Variants in MRPL48 observed in about 807,000 individuals in gnomAD.
The protein encoded by MRPL48 is large ribosomal subunit protein mL48.
In MRPL48, 16 loss-of-function variants were observed where a neutral mutation model predicts 32.9. The ratio of observed to expected loss-of-function variants is 0.49; its 90% CI spans 0.33 to 0.74. MRPL48 has a LOEUF of 0.74. Ranked by LOEUF, MRPL48 falls within the 30% of genes least tolerant of loss-of-function variation. The pLI, the probability that MRPL48 is intolerant of heterozygous loss-of-function variation, is 0.02. For missense variants in MRPL48, 206 were observed against 245.3 expected, an observed-to-expected ratio of 0.84 and a Z score of 1.07; for synonymous variants, 94 against 89.2, an observed-to-expected ratio of 1.05 and a Z score of -0.31.
intron 3 of MRPL48, among the ~76,000 whole-genome samples, chr11:73,812,532 G>A (rs1947583420): frequency 6.6e-6 from 1 of 151,684 alleles, no homozygotes; most frequent in African/African-American, 2.4e-5. Context: ...CCCAAACTGG[G>A]TTTTATAAAA....
At chr11:73,793,526 T>C (rs1331404692) in intron 1 of MRPL48, among the ~76,000 whole-genome samples, 2 of 152,220 alleles carry the variant, frequency 1.3e-5, no homozygotes, top group Non-Finnish European at 2.9e-5. Context: ...GTTGCATGAC[T>C]ACTAAGATTT....
At chr11:73,802,797 C>A (rs1047728505) in intron 1 of MRPL48, among the ~76,000 whole-genome samples, 1 of 151,802 alleles carries the variant, frequency 6.6e-6, no homozygotes, top group Non-Finnish European at 1.5e-5. Context: ...CCCTCTGGGT[C>A]CAAGTGATCC....
chr11:73,814,290 G>A (rs539568337), intron 3 of MRPL48, among the ~76,000 whole-genome samples: 34 of 151,888 alleles, frequency 2.2e-4, no homozygotes, highest in Middle Eastern at 3.4e-3. Flanking sequence ...CTCAGAAGAC[G>A]AAGACTGAGG....
intron 4 of MRPL48, among the ~76,000 whole-genome samples, chr11:73,834,702 T>G (rs1287179375): frequency 2.0e-5 from 3 of 151,504 alleles, no homozygotes; most frequent in Non-Finnish European, 4.4e-5. Flanking sequence ...CCCAGCTAAT[T>G]TTTTGTATTT....
intron 3 of MRPL48, among the ~76,000 whole-genome samples, chr11:73,814,040 C>CAA (rs551377481): frequency 3.3e-4 from 21 of 62,950 alleles, no homozygotes; most frequent in Non-Finnish European, 4.5e-4. Flanking sequence ...GACTCTGTCT[C>CAA]AAAAAAAAAA....
chr11:73,845,654 C>T (rs1429995955), intron 5 of MRPL48, among the ~76,000 whole-genome samples: 2 of 152,162 alleles, frequency 1.3e-5, no homozygotes, highest in Admixed American at 6.6e-5. Context: ...CCTGTAGTCC[C>T]ACCTACTCGG....
chr11:73,822,837 C>T (rs1565415121), intron 3 of MRPL48, among the ~76,000 whole-genome samples: 3 of 152,144 alleles, frequency 2.0e-5, no homozygotes, highest in South Asian at 4.1e-4. Context: ...CCAGCCACTC[C>T]CCATCACTCA....
At chr11:73,816,710 C>T (rs905919437) in intron 3 of MRPL48, among the ~76,000 whole-genome samples, 23 of 152,206 alleles carry the variant, frequency 1.5e-4, no homozygotes, top group African/African-American at 4.6e-4. Flanking sequence ...GTGATCCGCC[C>T]GCCTTGGCCT....
At chr11:73,841,901 C>T (rs1238260171) in intron 4 of MRPL48, among the ~76,000 whole-genome samples, 1 of 152,082 alleles carries the variant, frequency 6.6e-6, no homozygotes, top group Non-Finnish European at 1.5e-5. Flanking sequence ...ACCCCAGCCA[C>T]CTAGTTCCCT....
chr11:73,825,763 T>C lies in MRPL48; in HGVS notation c.168T>C (p.Ile56=), dbSNP rs1373296411. The C allele has an allele frequency of 6.4e-7, 1 of 1,569,366 alleles. No homozygotes were observed. The highest frequency in any genetic ancestry group is 1.9e-5 in the Admixed American group (1 of 52,892). The change falls in exon 4 of 8, where the codon ATT becomes ATC. Residue 56 remains isoleucine (I), a synonymous_variant. Coordinates refer to ENST00000310614, the MANE Select transcript of MRPL48 (RefSeq NM_016055.6). ...RPYKTKPTHG[I]GKYKHLIKAE... ...ACAAGACAAAGCCCACCCACGGCAT[T>C]GGAAAGTACAAGCACTTAATTAAAG...
At chr11:73,792,409 C>A (rs1947168606) in intron 1 of MRPL48, among the ~76,000 whole-genome samples, 1 of 152,178 alleles carries the variant, frequency 6.6e-6, no homozygotes. Context: ...AGGGGAGACT[C>A]TGTGATCACT....
intron 3 of MRPL48, among the ~76,000 whole-genome samples, chr11:73,814,934 G>A (rs1024506247): frequency 1.1e-4 from 16 of 152,062 alleles, no homozygotes; most frequent in African/African-American, 2.9e-4. Context: ...GGAGGTTGCA[G>A]TGAGCCGAGA....
At chr11:73,826,774 CTTT>C (rs71065041) in intron 4 of MRPL48, among the ~76,000 whole-genome samples, 3 of 108,934 alleles carry the variant, frequency 2.8e-5, no homozygotes, top group African/African-American at 6.9e-5. Context: ...ACTGTATTTT[CTTT>C]TTTTTTTTTT....
At chr11:73,859,837 G>A in intron 5 of MRPL48, 70 bp from the exon 6 acceptor site, 1 of 1,313,560 alleles carries the variant, frequency 7.6e-7, no homozygotes, top group Non-Finnish European at 1.1e-6. Flanking sequence ...CTATACTCAT[G>A]GACTACTATG....
intron 3 of MRPL48, among the ~76,000 whole-genome samples, chr11:73,811,783 TATTAAA>T (rs1197518027): frequency 6.6e-6 from 1 of 152,228 alleles, no homozygotes; most frequent in Non-Finnish European, 1.5e-5. Context: ...AACCTAATAC[TATTAAA>T]ATTATCACCT....
chr11:73,820,830 C>G (rs1049111745), intron 3 of MRPL48, among the ~76,000 whole-genome samples: 2 of 152,136 alleles, frequency 1.3e-5, no homozygotes, highest in African/African-American at 4.8e-5. Flanking sequence ...CCCACTATCC[C>G]CCCTGGGGGT....
chr11:73,855,602 C>T (rs1276308716), intron 5 of MRPL48, among the ~76,000 whole-genome samples: 1 of 152,178 alleles, frequency 6.6e-6, no homozygotes, highest in Non-Finnish European at 1.5e-5. Flanking sequence ...ATTCTCCTGC[C>T]TCAGCCTCCC....
In MRPL48 at chr11:73,853,981, C is replaced by T. The variant is rs554002326; in HGVS notation, c.372-5926C>T. ...CTGGGATTACAGGCGTGAGCCACCG[C>T]GCTCGGCTGAGATAGCTTCTTAAAG... is the stretch of plus-strand genomic sequence containing the variant. On this transcript the variant is annotated intron_variant, in intron 5 of 7. Transcript: ENST00000310614. 5.9e-5 allele frequency among the ~76,000 whole-genome samples: 9 copies of T among 152,110 alleles called. No homozygotes were observed. The South Asian group carries it at 6.2e-4, about 11-fold the overall frequency.
chr11:73,834,502 G>A (rs1215669906), intron 4 of MRPL48, among the ~76,000 whole-genome samples: 2 of 147,074 alleles, frequency 1.4e-5, no homozygotes, highest in Admixed American at 6.8e-5. Context: ...TGTTTTTGTT[G>A]TTCTTGTTTT....
Sources: allele counts gnomAD v4.1 joint callset (sites outside exome capture counted in the v4.1 genomes callset), GRCh38; gene constraint gnomAD v4.1.1; transcripts MANE v1.5; gene names NCBI Gene and HGNC (gene_info 2026-07-23, HGNC 2026-07-21).